NOX3: variants seen among roughly 807,000 people sequenced by gnomAD.
NOX3 encodes NADPH oxidase 3.
NOX3 carries 74 observed loss-of-function variants against 76.7 expected under a neutral mutation model. The ratio of observed to expected loss-of-function variants is 0.96; its 90% confidence interval spans 0.80 to 1.17. The LOEUF is 1.17. NOX3 is among the 50% of genes most tolerant of loss of function. The pLI is 0.00. For missense variants in NOX3, 695 were observed against 703.3 expected, an observed-to-expected ratio of 0.99 and a Z score of 0.13; for synonymous variants, 263 against 261.1, an observed-to-expected ratio of 1.01 and a Z score of -0.07.
chr6:155,440,385 TC>T (rs1396893949), intron 5 of NOX3, among the ~76,000 whole-genome samples: 2 of 152,178 alleles, frequency 1.3e-5, no homozygotes, highest in Middle Eastern at 3.4e-3. Flanking sequence ...TGCTAAAATT[TC>T]GTAAAATACC....
In NOX3 at chr6:155,455,026, G is replaced by A. The variant is rs753923570; in HGVS notation, c.144+8C>T. 7.5e-6 allele frequency: 12 copies of A among 1,600,068 alleles called. No individual in the cohort carries two copies. In the East Asian group the frequency reaches 2.7e-4, roughly 36 times the overall value. ...AAAAAATAATGTTTAATCATAAACT[G>A]TACTTACACCCAAAATAACTCGTGT... On this transcript the variant is annotated splice_region_variant and intron_variant, in intron 2 of 13. Transcript: ENST00000159060.
At chr6:155,446,023 T>C (rs1777061605) in intron 4 of NOX3, among the ~76,000 whole-genome samples, 1 of 138,532 alleles carries the variant, frequency 7.2e-6, no homozygotes, top group Non-Finnish European at 1.5e-5. Flanking sequence ...ACATTTTTCT[T>C]TAGCCTTTAA....
chr6:155,397,900 A>G (rs1779160846), intron 12 of NOX3, among the ~76,000 whole-genome samples: 1 of 152,210 alleles, frequency 6.6e-6, no homozygotes, highest in African/African-American at 2.4e-5. Flanking sequence ...TAATCTTGAC[A>G]TTTCAGAAAA....
At chr6:155,418,114 A>G (rs925802996) in intron 10 of NOX3, among the ~76,000 whole-genome samples, 2 of 152,200 alleles carry the variant, frequency 1.3e-5, no homozygotes, top group Admixed American at 6.5e-5. Flanking sequence ...AGGGAGAACT[A>G]AAATGTGTAA....
Position 155,430,949 on chromosome 6 carries a change from C to CTG in NOX3, c.799-15_799-14insCA. ...CCATTTCCAAGCCTGAAGAGAGTAG[C>CTG]AGAGAGAGAGAGAAAAAGGAAATGA... On this transcript the variant is annotated splice_polypyrimidine_tract_variant and intron_variant, in intron 7 of 13. Coordinates refer to ENST00000159060, the MANE Select transcript of NOX3 (RefSeq NM_015718.3). The CTG allele has an allele frequency of 6.9e-7, 1 of 1,458,666 alleles. No individual in the cohort carries two copies. The highest frequency in any genetic ancestry group is 9.6e-7 in the Non-Finnish European group (1 of 1,046,720). The allele number at this position is 1,458,666 out of a possible 1,614,324, so 90.4% of individuals were successfully genotyped here. A position where few individuals can be genotyped will look rare whatever the true frequency, so the allele number is the denominator to read the frequency against.
intron 6 of NOX3, among the ~76,000 whole-genome samples, chr6:155,437,122 T>C (rs1363893711): frequency 6.6e-6 from 1 of 152,172 alleles, no homozygotes; most frequent in Non-Finnish European, 1.5e-5. Context: ...CATTTAGGAA[T>C]GGAAAGAGAA....
intron 9 of NOX3, among the ~76,000 whole-genome samples, chr6:155,427,725 G>T (rs958982265): frequency 1.3e-5 from 2 of 151,906 alleles, no homozygotes; most frequent in African/African-American, 4.8e-5. Context: ...ATTTTTTTTG[G>T]TGTCCCTGTT....
intron 10 of NOX3, among the ~76,000 whole-genome samples, chr6:155,414,558 C>G (rs1776598436): frequency 1.3e-5 from 2 of 150,770 alleles, no homozygotes; most frequent in African/African-American, 4.9e-5. Flanking sequence ...TCTGAACTTT[C>G]ATAGTAATAA....
chr6:155,398,921 A>T (rs1779175448), intron 12 of NOX3, among the ~76,000 whole-genome samples: 1 of 152,240 alleles, frequency 6.6e-6, no homozygotes, highest in Non-Finnish European at 1.5e-5. Flanking sequence ...GTGTGCTCTC[A>T]GGAATGGCTA....
intron 9 of NOX3, among the ~76,000 whole-genome samples, chr6:155,423,679 G>T (rs1387335911): frequency 1.3e-5 from 2 of 151,564 alleles, no homozygotes; most frequent in East Asian, 3.9e-4. Context: ...CACGGCCTTT[G>T]CATGCGATAC....
chr6:155,422,625 G>T, intron 10 of NOX3, 69 bp downstream of exon 10: 2 of 1,432,736 alleles, frequency 1.4e-6, no homozygotes, highest in South Asian at 1.3e-5. Context: ...CCAAGAATCG[G>T]CAGATGATAG....
chr6:155,403,652 G>A (rs1779263447), intron 12 of NOX3, among the ~76,000 whole-genome samples: 2 of 152,144 alleles, frequency 1.3e-5, no homozygotes, highest in African/African-American at 4.8e-5. Flanking sequence ...CTTCTAGAAA[G>A]GTATGAGCAA....
At chr6:155,434,357 T>C (rs904759842) in intron 7 of NOX3, among the ~76,000 whole-genome samples, 1 of 152,200 alleles carries the variant, frequency 6.6e-6, no homozygotes, top group African/African-American at 2.4e-5. Flanking sequence ...CAGGCATCTT[T>C]TGAGACTGGA....
intron 11 of NOX3, among the ~76,000 whole-genome samples, chr6:155,407,517 T>C (rs1458482095): frequency 3.3e-5 from 5 of 152,256 alleles, no homozygotes; most frequent in African/African-American, 1.2e-4. Flanking sequence ...CTAGAAAGAA[T>C]ATTTTCCTTT....
intron 10 of NOX3, among the ~76,000 whole-genome samples, chr6:155,415,150 T>G (rs1283851719): frequency 6.6e-6 from 1 of 152,208 alleles, no homozygotes; most frequent in African/African-American, 2.4e-5. Flanking sequence ...CTTCTCATTT[T>G]CATGTTTTCC....
At chr6:155,397,731 C>T (rs1779158166) in intron 12 of NOX3, among the ~76,000 whole-genome samples, 1 of 152,124 alleles carries the variant, frequency 6.6e-6, no homozygotes, top group Non-Finnish European at 1.5e-5. Context: ...TCCTGTTCAG[C>T]CCTGCCTTTT....
rs199815687 is a variant in NOX3, at chr6:155,440,064, A to G, written c.560T>C (p.Ile187Thr). The G allele has an allele frequency of 8.7e-6, 14 of 1,614,144 alleles. No individual in the cohort carries two copies. The East Asian group carries it at 3.1e-4, about 36-fold the overall frequency. The change falls in exon 6 of 14, where the codon ATC (isoleucine) becomes ACC (threonine). Residue 187 changes from isoleucine (I) to threonine (T), a missense_variant. Physicochemically the swap from Ile to Thr is moderately conservative, Grantham distance 89. Coordinates refer to ENST00000159060, the MANE Select transcript of NOX3 (RefSeq NM_015718.3). ...GATGAACTCAGTTGACGAGGTCATG[A>G]TCAAGACTAAAGCCAGAGAGATCAC... ...GLVISLALVL[I>T]MTSSTEFIRQ...
chr6:155,425,209 A>C (rs898013703), intron 9 of NOX3, among the ~76,000 whole-genome samples: 10 of 152,104 alleles, frequency 6.6e-5, no homozygotes, highest in African/African-American at 2.4e-4. Flanking sequence ...CCTTTTTGGC[A>C]TCTCAGGCCT....
chr6:155,453,335 G>T, intron 4 of NOX3, 69 bp downstream of exon 4: 1 of 1,253,482 alleles, frequency 8.0e-7, no homozygotes, highest in Non-Finnish European at 1.2e-6. Context: ...GGAAGGCAGA[G>T]TTAAAACAAA....
Sources: gnomAD v4.1 joint callset for allele counts (sites outside exome capture counted in the v4.1 genomes callset) on GRCh38, gnomAD v4.1.1 for gene constraint, MANE v1.5 for transcripts, NCBI Gene and HGNC (gene_info 2026-07-23, HGNC 2026-07-21) for gene names.